Variants in TENM4 observed in about 807,000 individuals in gnomAD.
TENM4 encodes teneurin-4.
In TENM4, 82 loss-of-function variants were observed where a neutral mutation model predicts 243.3. The ratio of observed to expected loss-of-function variants is 0.34; its 90% CI spans 0.28 to 0.40. The LOEUF (loss-of-function observed/expected upper bound fraction) is 0.40. Among genes scored for constraint, TENM4 ranks in the 10% least tolerant of loss-of-function variants. TENM4 has a pLI of 1.00. For synonymous variants in TENM4, 1,412 were observed against 1,456.3 expected, an observed-to-expected ratio of 0.97 and a Z score of 0.69; for missense variants, 3,138 against 3,673.3, an observed-to-expected ratio of 0.85 and a Z score of 3.77.
intron 4 of TENM4, 65 bp from the exon 5 acceptor site, chr11:79,070,074 C>A (rs1022715439): frequency 6.9e-7 from 1 of 1,448,126 alleles, no homozygotes; most frequent in Admixed American, 2.5e-5. Context: ...TCATCCTGGT[C>A]CTGGATTCAC....
intron 4 of TENM4, among the ~76,000 whole-genome samples, chr11:79,119,352 T>C (rs1208910036): frequency 6.6e-6 from 1 of 150,858 alleles, no homozygotes; most frequent in Non-Finnish European, 1.5e-5. Flanking sequence ...ATCATTATTA[T>C]TGTGATAATC....
Position 79,029,841 on chromosome 11 carries a change from C to T in TENM4, c.493+34897G>A, listed in dbSNP as rs1179653149. 5.9e-5 allele frequency among the ~76,000 whole-genome samples: 9 copies of T among 152,254 alleles called. No homozygotes were observed. In the East Asian group the frequency reaches 7.7e-4, roughly 13 times the overall value. ...AGCCCTATTAATAACATATTCACTT[C>T]GGTAACAGCTTTTATTTTGAGAAAT... On this transcript the variant is annotated intron_variant, in intron 6 of 33. Transcript: ENST00000278550.
At chr11:79,429,943 T>C (rs1345912064) in intron 1 of TENM4, among the ~76,000 whole-genome samples, 1 of 152,182 alleles carries the variant, frequency 6.6e-6, no homozygotes, top group Non-Finnish European at 1.5e-5. Flanking sequence ...TTAAGTAATT[T>C]GACCAAGGTC....
intron 1 of TENM4, among the ~76,000 whole-genome samples, chr11:79,311,552 A>G (rs1856722032): frequency 6.6e-6 from 1 of 152,196 alleles, no homozygotes; most frequent in African/African-American, 2.4e-5. Flanking sequence ...ATATTTTACA[A>G]GCCCACAATA....
chr11:79,346,895 C>T (rs1464354067), intron 1 of TENM4, among the ~76,000 whole-genome samples: 2 of 152,172 alleles, frequency 1.3e-5, no homozygotes, highest in East Asian at 3.9e-4. Context: ...TAAAAGATCC[C>T]TGTGATCTCT....
At chr11:79,373,019 GT>G (rs1476013976) in intron 1 of TENM4, among the ~76,000 whole-genome samples, 1 of 152,060 alleles carries the variant, frequency 6.6e-6, no homozygotes, top group Non-Finnish European at 1.5e-5. Flanking sequence ...AGGATAGGAA[GT>G]TTGGGCCTGT....
intron 19 of TENM4, among the ~76,000 whole-genome samples, chr11:78,746,624 T>C (rs970385726): frequency 3.9e-5 from 6 of 152,236 alleles, no homozygotes; most frequent in African/African-American, 1.4e-4. Flanking sequence ...GCCCATCGAC[T>C]ATGGTGAGGG....
At chr11:79,313,538 C>G (rs191483876) in intron 1 of TENM4, among the ~76,000 whole-genome samples, 1 of 152,202 alleles carries the variant, frequency 6.6e-6, no homozygotes, top group Non-Finnish European at 1.5e-5. Context: ...ACAGAAAGAG[C>G]TCCATTCCTG....
At chr11:78,803,573 G>A (rs1361240551) in intron 15 of TENM4, among the ~76,000 whole-genome samples, 14 of 152,164 alleles carry the variant, frequency 9.2e-5, no homozygotes, top group Admixed American at 9.2e-4. Context: ...CACCAGTTAC[G>A]GGGAGTGGTA....
intron 7 of TENM4, among the ~76,000 whole-genome samples, chr11:78,899,962 G>A (rs937154366): frequency 3.9e-5 from 6 of 152,190 alleles, no homozygotes; most frequent in African/African-American, 1.2e-4. Flanking sequence ...TAAATGGACT[G>A]AGACAGAAGG....
chr11:79,084,264 T>C (rs982850049), intron 4 of TENM4, among the ~76,000 whole-genome samples: 1 of 152,194 alleles, frequency 6.6e-6, no homozygotes, highest in African/African-American at 2.4e-5. Context: ...CATACATTGC[T>C]GGTAGGAATA....
chr11:78,729,675 C>T (rs370726957), intron 21 of TENM4, 32 bp from the exon 22 acceptor site: 45 of 1,568,236 alleles, frequency 2.9e-5, no homozygotes, highest in South Asian at 5.9e-5. Context: ...CAGCAAGGGA[C>T]GGTCGTCGAC....
intron 1 of TENM4, among the ~76,000 whole-genome samples, chr11:79,428,598 A>C (rs1036218105): frequency 2.0e-5 from 3 of 152,200 alleles, no homozygotes; most frequent in Admixed American, 6.5e-5. Flanking sequence ...AGGTCAAAGG[A>C]CTATCATGAC....
intron 6 of TENM4, among the ~76,000 whole-genome samples, chr11:79,063,670 C>T (rs543846250): frequency 3.9e-5 from 6 of 152,288 alleles, no homozygotes; most frequent in South Asian, 2.1e-4. Context: ...ATAGTCTCCA[C>T]GCAGGACCAC....
chr11:79,220,142 T>C (rs1005267900), intron 2 of TENM4, among the ~76,000 whole-genome samples: 1 of 152,216 alleles, frequency 6.6e-6, no homozygotes, highest in African/African-American at 2.4e-5. Context: ...ACCCCCTGTT[T>C]AGGGAAGGCA....
At chr11:79,402,348 A>G (rs1451757414) in intron 1 of TENM4, among the ~76,000 whole-genome samples, 6 of 152,232 alleles carry the variant, frequency 3.9e-5, no homozygotes, top group African/African-American at 9.6e-5. Context: ...ATATTCTTCA[A>G]TTAACAACAT....
Position 78,658,535 on chromosome 11 carries a change from A to C in TENM4, c.7833T>G (p.Ile2611Met). ...AHYLENLHFT[I>M]DGVDTHYFVK... ...CAAAGTAATGGGTATCCACCCCATC[A>C]ATGGTGAAGTGCAGGTTCTCTAGGT... The change falls in exon 34 of 34, where the codon ATT (isoleucine) becomes ATG (methionine). Residue 2611 changes from isoleucine (I) to methionine (M), a missense_variant. Ile to Met is a conservative substitution (Grantham distance 10). This residue lies in a region of TENM4 where 2,467 missense variants were observed against 3,059.1 expected (regional missense o/e 0.81). Transcript: ENST00000278550. 1 of 1,614,012 alleles carries C rather than the reference A, an allele frequency of 6.2e-7. No individual in the cohort carries two copies. Among genetic ancestry groups the C allele is most frequent in the Non-Finnish European group, 8.5e-7 (1 of 1,179,896 alleles).
intron 16 of TENM4, among the ~76,000 whole-genome samples, chr11:78,782,648 CCCACCTA>C: frequency 6.6e-6 from 1 of 152,058 alleles, no homozygotes; most frequent in Non-Finnish European, 1.5e-5. Context: ...CACCTATAGT[CCCACCTA>C]CTCGGGAGGC....
chr11:79,165,408 T>G (rs1040066439), intron 3 of TENM4, among the ~76,000 whole-genome samples: 1 of 152,214 alleles, frequency 6.6e-6, no homozygotes, highest in African/African-American at 2.4e-5. Context: ...GTTGAGCAGC[T>G]TTTCATATCT....
Sources: allele counts gnomAD v4.1 joint callset (sites outside exome capture counted in the v4.1 genomes callset), GRCh38; gene constraint gnomAD v4.1.1; regional missense constraint gnomAD v4.1.1; transcripts MANE v1.5; gene names NCBI Gene and HGNC (gene_info 2026-07-23, HGNC 2026-07-21).